The following SUSD6 variants were observed in gnomAD, a reference collection of about 807,000 sequenced individuals.
The protein encoded by SUSD6 is sushi domain-containing protein 6.
Under a neutral mutation model 28.4 loss-of-function variants are expected in SUSD6, and 16 were observed. The observed-to-expected ratio is 0.56, with a 90% confidence interval of 0.38 to 0.86. The LOEUF is 0.86. SUSD6 is among the 40% of genes least tolerant of loss of function. The pLI is 0.00. For missense variants in SUSD6, 341 were observed against 384.2 expected, an observed-to-expected ratio of 0.89 and a Z score of 0.94; for synonymous variants, 147 against 159.6, an observed-to-expected ratio of 0.92 and a Z score of 0.59.
intron 1 of SUSD6, among the ~76,000 whole-genome samples, chr14:69,654,863 C>T (rs936509793): frequency 2.2e-5 from 3 of 138,406 alleles, no homozygotes; most frequent in South Asian, 2.3e-4. Flanking sequence ...GGCACAATAT[C>T]GGCTCACCAC....
chr14:69,620,523 C>G (rs1340629607), intron 1 of SUSD6, among the ~76,000 whole-genome samples: 5 of 152,182 alleles, frequency 3.3e-5, no homozygotes, highest in Non-Finnish European at 7.3e-5. Flanking sequence ...GGAATACTCA[C>G]GAGGTTTTTA....
rs187527345 is a variant in SUSD6 at position 69,642,703 on chromosome 14, T to C, written c.-80-15810T>C. ...CACGAGAGAATTCTGGGCGATACAATTCAAGGTGAGATTTGGTTGGGGACA... is the reference window on the plus strand; with the variant it reads ...CACGAGAGAATTCTGGGCGATACAACTCAAGGTGAGATTTGGTTGGGGACA... On this transcript the variant is annotated intron_variant, in intron 1 of 5. Transcript: ENST00000342745. Among the ~76,000 whole-genome samples, 5 of 141,688 alleles carry C rather than the reference T, an allele frequency of 3.5e-5. No homozygotes were observed. The East Asian group carries it at 1.1e-3, about 31-fold the overall frequency. The allele number at this position is 141,688 out of a possible 152,430, so 93.0% of individuals were successfully genotyped here.
At chr14:69,689,532 G>T (rs1194304015) in intron 2 of SUSD6, among the ~76,000 whole-genome samples, 1 of 152,178 alleles carries the variant, frequency 6.6e-6, no homozygotes, top group Non-Finnish European at 1.5e-5. Context: ...GGCACACCAT[G>T]TGTATTATTT....
At chr14:69,684,590 G>C (rs1886044536) in intron 2 of SUSD6, among the ~76,000 whole-genome samples, 1 of 152,248 alleles carries the variant, frequency 6.6e-6, no homozygotes, top group Admixed American at 6.5e-5. Context: ...AATTTCAGCT[G>C]CTGTCCCTGG....
At chr14:69,709,399 G>A (rs1886432196) in intron 5 of SUSD6, among the ~76,000 whole-genome samples, 1 of 152,092 alleles carries the variant, frequency 6.6e-6, no homozygotes, top group Non-Finnish European at 1.5e-5. Flanking sequence ...AGTTGGGGGT[G>A]GGGTCTGTCC....
chr14:69,660,172 G>C (rs753270393), intron 2 of SUSD6, among the ~76,000 whole-genome samples: 3 of 152,164 alleles, frequency 2.0e-5, no homozygotes, highest in Non-Finnish European at 2.9e-5. Flanking sequence ...CCATAGTTTA[G>C]TGCTACTTCT....
In SUSD6 at chr14:69,711,013, C is replaced by CTT. The variant is rs774196218; in HGVS notation, c.*35_*36insTT. ...GCCAGCCTTTCCTCTCTGCGAGGTT[C>CTT]TCTCAGCCCTTCCTCCCTCTCCCTG... is the stretch of plus-strand genomic sequence containing the variant. On this transcript the variant is annotated 3_prime_UTR_variant, in exon 6 of 6. Transcript: ENST00000342745. The CTT allele has an allele frequency of 6.2e-7, 1 of 1,610,192 alleles. No homozygotes were observed. Among genetic ancestry groups the CTT allele is most frequent in the Non-Finnish European group, 8.5e-7 (1 of 1,176,432 alleles).
Position 69,713,589 on chromosome 14 carries a change from C to T in SUSD6, c.*2610C>T, listed in dbSNP as rs1332950225. On this transcript the variant is annotated 3_prime_UTR_variant, in exon 6 of 6. Coordinates refer to ENST00000342745, the MANE Select transcript of SUSD6 (RefSeq NM_014734.4). ...GTCCCTTACTGAGAGATTAGGGACTCCACAGCTGCCTTGAGGTAGGGCCTG... is the reference window on the plus strand; with the variant it reads ...GTCCCTTACTGAGAGATTAGGGACTTCACAGCTGCCTTGAGGTAGGGCCTG... 1 of 152,240 alleles carries T rather than the reference C, an allele frequency of 6.6e-6. No individual in the cohort carries two copies. Among genetic ancestry groups the T allele is most frequent in the Non-Finnish European group, 1.5e-5 (1 of 68,076 alleles). The allele number at this position is 152,240 out of a possible 1,614,324, so 9.4% of individuals were successfully genotyped here.
chr14:69,653,708 C>A, intron 1 of SUSD6, among the ~76,000 whole-genome samples: 1 of 145,932 alleles, frequency 6.9e-6, no homozygotes, highest in East Asian at 2.0e-4. Context: ...AAAGTTTTAG[C>A]CTCAGTATTT....
Position 69,712,990 on chromosome 14 carries a change from C to G in SUSD6, c.*2011C>G, listed in dbSNP as rs1339718140. 6.6e-6 allele frequency: 1 copy of G among 152,300 alleles called. No individual in the cohort carries two copies. Among genetic ancestry groups the G allele is most frequent in the Non-Finnish European group, 1.5e-5 (1 of 68,120 alleles). The allele number at this position is 152,300 out of a possible 1,614,324, so 9.4% of individuals were successfully genotyped here. A position where few individuals can be genotyped will look rare whatever the true frequency, so the allele number is the denominator to read the frequency against. ...ACCTCACCCACAGCAGTGCCCTTGT[C>G]TTCCTCCAAAACAGAAAGCAGTGAC... On this transcript the variant is annotated 3_prime_UTR_variant, in exon 6 of 6. Transcript: ENST00000342745.
intron 2 of SUSD6, among the ~76,000 whole-genome samples, chr14:69,679,905 A>G (rs1008651396): frequency 5.9e-5 from 9 of 152,182 alleles, no homozygotes; most frequent in Non-Finnish European, 1.0e-4. Flanking sequence ...CCCTTCAACC[A>G]CTAGGAATAG....
intron 1 of SUSD6, among the ~76,000 whole-genome samples, chr14:69,625,714 C>A (rs1885104684): frequency 6.6e-6 from 1 of 152,136 alleles, no homozygotes. Flanking sequence ...AAAGGAGAGG[C>A]TTGTTTCCTC....
intron 1 of SUSD6, among the ~76,000 whole-genome samples, chr14:69,651,733 G>A (rs1432696029): frequency 1.3e-5 from 2 of 152,176 alleles, no homozygotes; most frequent in African/African-American, 2.4e-5. Flanking sequence ...GGTCCAATAA[G>A]TGTTTAGATA....
intron 3 of SUSD6, among the ~76,000 whole-genome samples, 173 bp from the exon 4 acceptor site, chr14:69,704,431 A>G (rs928244230): frequency 6.6e-6 from 1 of 152,200 alleles, no homozygotes; most frequent in Non-Finnish European, 1.5e-5. Flanking sequence ...TCCTTTTCCA[A>G]AAGAACTGTG....
At chr14:69,619,644 A>G (rs1189114991) in intron 1 of SUSD6, among the ~76,000 whole-genome samples, 1 of 151,830 alleles carries the variant, frequency 6.6e-6, no homozygotes, top group Non-Finnish European at 1.5e-5. Flanking sequence ...GGTGACACAC[A>G]CCTGTAGTCC....
At chr14:69,681,521 G>A (rs1885996933) in intron 2 of SUSD6, among the ~76,000 whole-genome samples, 1 of 152,242 alleles carries the variant, frequency 6.6e-6, no homozygotes, top group African/African-American at 2.4e-5. Flanking sequence ...GCCTGCAGTA[G>A]GAGGGTTGTG....
At chr14:69,690,371 A>G (rs913843705) in intron 2 of SUSD6, among the ~76,000 whole-genome samples, 1 of 152,252 alleles carries the variant, frequency 6.6e-6, no homozygotes, top group Non-Finnish European at 1.5e-5. Flanking sequence ...CTTCAGGGCC[A>G]GGCATCCATC....
At chr14:69,647,963 C>T (rs572148663) in intron 1 of SUSD6, among the ~76,000 whole-genome samples, 9 of 151,674 alleles carry the variant, frequency 5.9e-5, no homozygotes, top group Admixed American at 2.0e-4. Flanking sequence ...CCAGCCTGAG[C>T]GACAGAGCAT....
rs145293759 is a variant in SUSD6, at chr14:69,637,681, G to C, written c.-80-20832G>C. On this transcript the variant is annotated intron_variant, in intron 1 of 5. Transcript: ENST00000342745. ...GCAAGAATTGCTTCCACCAGGGATG[G>C]GCATTGACTTTGACCTGGTCCTCCT... Among the ~76,000 whole-genome samples, 1,143 of 152,292 alleles carry C rather than the reference G, an allele frequency of 7.5e-3. 57 individuals carry two copies. The highest frequency in any genetic ancestry group is 0.071 in the Admixed American group (1,083 of 15,296).
Sources: gnomAD v4.1 joint callset for allele counts (sites outside exome capture counted in the v4.1 genomes callset) on GRCh38, gnomAD v4.1.1 for gene constraint, MANE v1.5 for transcripts, NCBI Gene and HGNC (gene_info 2026-07-23, HGNC 2026-07-21) for gene names.